The following KCNMA1 variants were observed in gnomAD, a reference collection of about 807,000 sequenced individuals.
The protein encoded by KCNMA1 is potassium calcium-activated channel subfamily M alpha 1, also known as Calcium-activated potassium channel subunit alpha-1.
In KCNMA1, 29 loss-of-function variants were observed where a neutral mutation model predicts 140.0. The observed-to-expected ratio is 0.21, with a 90% CI of 0.15 to 0.28. KCNMA1 has a LOEUF of 0.28. KCNMA1 is among the 10% of genes least tolerant of loss of function. The pLI, the probability that KCNMA1 is intolerant of heterozygous loss-of-function variation, is 1.00. For synonymous variants in KCNMA1, 612 were observed against 611.9 expected (o/e 1.00, Z 0.00); for missense variants, 880 against 1,602.2 (o/e 0.55, Z 7.70).
intron 1 of KCNMA1, among the ~76,000 whole-genome samples, chr10:77,495,053 A>T (rs2041364061): frequency 6.6e-6 from 1 of 152,156 alleles, no homozygotes; most frequent in Non-Finnish European, 1.5e-5. Context: ...CAAAGACCTT[A>T]TTTCCAAATA....
chr10:77,020,966 T>C (rs1216584727), intron 16 of KCNMA1: 1 of 152,082 alleles, frequency 6.6e-6, no homozygotes, highest in Non-Finnish European at 1.5e-5. Context: ...TTAAGAGAGA[T>C]GATGTATAGA....
intron 1 of KCNMA1, among the ~76,000 whole-genome samples, chr10:77,623,176 T>C (rs2091822174): frequency 6.6e-6 from 1 of 152,230 alleles, no homozygotes; most frequent in Non-Finnish European, 1.5e-5. Context: ...CGTGATTTTA[T>C]TAGTTTCCAT....
At chr10:77,007,731 TCC>T in intron 18 of KCNMA1, among the ~76,000 whole-genome samples, 1 of 149,060 alleles carries the variant, frequency 6.7e-6, no homozygotes, top group Non-Finnish European at 1.5e-5. Context: ...AGGAGAGGAA[TCC>T]AAGCTCAATA....
chr10:77,112,569 A>C, intron 6 of KCNMA1, 127 bp from the exon 7 acceptor site: 9 of 708,598 alleles, frequency 1.3e-5, no homozygotes, highest in East Asian at 2.8e-5. Context: ...CCATTTCTCC[A>C]TTATAAGGGA....
chr10:77,163,473 T>C (rs1205711341), intron 5 of KCNMA1, among the ~76,000 whole-genome samples: 1 of 152,218 alleles, frequency 6.6e-6, no homozygotes, highest in Non-Finnish European at 1.5e-5. Context: ...TTATCATTTG[T>C]CATTCATTCC....
At chr10:76,984,739 C>A (rs1165592971) in intron 19 of KCNMA1, among the ~76,000 whole-genome samples, 1 of 151,988 alleles carries the variant, frequency 6.6e-6, no homozygotes, top group Non-Finnish European at 1.5e-5. Context: ...GTGTAGTTAC[C>A]TTTTAAAAAC....
At chr10:77,152,256 A>G (rs1011992702) in intron 5 of KCNMA1, among the ~76,000 whole-genome samples, 1 of 133,706 alleles carries the variant, frequency 7.5e-6, no homozygotes, top group Non-Finnish European at 1.6e-5. Flanking sequence ...AACCTCTTGG[A>G]GACTCTTCTG....
At position 77,434,423 on chromosome 10, in the gene KCNMA1, T is replaced by G. The variant is rs200851057; in HGVS notation, c.379-30400A>C. Among the ~76,000 whole-genome samples, 380 of 152,282 alleles carry G rather than the reference T, an allele frequency of 2.5e-3. 2 individuals are homozygous for G. The highest frequency in any genetic ancestry group is 8.7e-3 in the African/African-American group (362 of 41,554). On this transcript the variant is annotated intron_variant, in intron 1 of 27. Transcript: ENST00000286628. ...TCGTGTTCAGGAAGAACACCATCCC[T>G]GAGAGAACCAGTCTCCCGACACACA...
Position 77,079,680 on chromosome 10 carries a change from G to T in KCNMA1, c.1524-130C>A, listed in dbSNP as rs71475632. The T allele has an allele frequency of 2.3e-3, 1,646 of 720,442 alleles. 4 individuals are homozygous for T. Among genetic ancestry groups the T allele is most frequent in the Non-Finnish European group, 3.3e-3 (1,320 of 395,610 alleles). The allele number at this position is 720,442 out of a possible 1,614,324, so 44.6% of individuals were successfully genotyped here. A position where few individuals can be genotyped will look rare whatever the true frequency, so the allele number is the denominator to read the frequency against. ...TAGGAGGCAGGACTTGATTCCAGAG[G>T]CAGGGCTCAGATACCAGACAAAATT... On this transcript the variant is annotated intron_variant, in intron 12 of 27. Coordinates refer to ENST00000286628, the MANE Select transcript of KCNMA1 (RefSeq NM_001161352.2).
chr10:77,302,943 G>C lies in KCNMA1; in HGVS notation c.541-51687C>G, dbSNP rs117417510. On this transcript the variant is annotated intron_variant, in intron 2 of 27. Coordinates refer to ENST00000286628, the MANE Select transcript of KCNMA1 (RefSeq NM_001161352.2). ...TAAACTGGCTTTGGTTTGCAGGGGG[G>C]GGTTTCACTGGGGACTCACCTGTGT... Among the ~76,000 whole-genome samples, 21 of 152,012 alleles carry C rather than the reference G, an allele frequency of 1.4e-4. No homozygotes were observed. In the East Asian group the frequency reaches 3.7e-3, roughly 27 times the overall value.
chr10:77,348,406 T>C (rs1294755823), intron 2 of KCNMA1, among the ~76,000 whole-genome samples: 1 of 152,070 alleles, frequency 6.6e-6, no homozygotes, highest in Non-Finnish European at 1.5e-5. Flanking sequence ...CTGATTCAGA[T>C]CAGGAGAGGT....
intron 2 of KCNMA1, among the ~76,000 whole-genome samples, chr10:77,392,290 AAGGTAAGGG>A (rs1299118593): frequency 1.4e-5 from 2 of 138,252 alleles, no homozygotes; most frequent in African/African-American, 5.4e-5. Flanking sequence ...GAAGGGAAGG[AAGGTAAGGG>A]AGGCAAGGGA....
At chr10:77,039,380 C>T in intron 15 of KCNMA1, 148 bp downstream of exon 15, 1 of 695,928 alleles carries the variant, frequency 1.4e-6, no homozygotes, top group East Asian at 2.7e-5. Flanking sequence ...ACCCACCCTC[C>T]TATTCATCAC....
At chr10:77,467,490 T>G (rs989913297) in intron 1 of KCNMA1, among the ~76,000 whole-genome samples, 1 of 152,230 alleles carries the variant, frequency 6.6e-6, no homozygotes, top group African/African-American at 2.4e-5. Flanking sequence ...GGCAATTTAG[T>G]TGGACTTCAT....
chr10:76,971,965 G>C (rs1054585172), intron 19 of KCNMA1, among the ~76,000 whole-genome samples: 2 of 135,186 alleles, frequency 1.5e-5, no homozygotes, highest in Non-Finnish European at 3.1e-5. Flanking sequence ...AAGGCAGCGA[G>C]GGTGTGTGGG....
At chr10:77,503,347 T>C (rs2044609054) in intron 1 of KCNMA1, among the ~76,000 whole-genome samples, 1 of 152,124 alleles carries the variant, frequency 6.6e-6, no homozygotes, top group Admixed American at 6.5e-5. Context: ...TTGAATCCTT[T>C]AAAAAGACAG....
At chr10:76,880,393 T>C (rs2034136619), downstream of KCNMA1, among the ~76,000 whole-genome samples, 1 of 152,130 alleles carries the variant, frequency 6.6e-6, no homozygotes, top group African/African-American at 2.4e-5. Context: ...TAACACACAT[T>C]GTGGTGAGGA....
intron 1 of KCNMA1, among the ~76,000 whole-genome samples, chr10:77,417,020 G>A (rs1046177751): frequency 2.6e-5 from 4 of 152,116 alleles, no homozygotes; most frequent in Non-Finnish European, 5.9e-5. Context: ...TCTTCCACCT[G>A]ACTTCTCGGC....
chr10:76,963,211 C>T (rs1440969984), intron 20 of KCNMA1, among the ~76,000 whole-genome samples: 1 of 152,198 alleles, frequency 6.6e-6, no homozygotes, highest in Non-Finnish European at 1.5e-5. Flanking sequence ...ACTTCAAGCT[C>T]CTCTCACTGT....
Sources: allele counts gnomAD v4.1 joint callset (sites outside exome capture counted in the v4.1 genomes callset), GRCh38; gene constraint gnomAD v4.1.1; transcripts MANE v1.5; gene names NCBI Gene and HGNC (gene_info 2026-07-23, HGNC 2026-07-21).